CNTNAP2: variants seen among roughly 807,000 people sequenced by gnomAD.
The protein encoded by CNTNAP2 is contactin-associated protein-like 2.
In CNTNAP2, 98 loss-of-function variants were observed where a neutral mutation model predicts 155.2. That is an observed-to-expected ratio of 0.63 (90% CI 0.54 to 0.75). The LOEUF is 0.75. CNTNAP2 is among the 30% of genes least tolerant of loss of function. CNTNAP2 has a pLI of 0.00. For synonymous variants in CNTNAP2, 651 were observed against 631.2 expected, an observed-to-expected ratio of 1.03 and a Z score of -0.47; for missense variants, 1,727 against 1,688.1, an observed-to-expected ratio of 1.02 and a Z score of -0.40.
intron 11 of CNTNAP2, among the ~76,000 whole-genome samples, chr7:147,494,462 T>A (rs1798660610): frequency 1.6e-5 from 1 of 61,446 alleles, no homozygotes; most frequent in East Asian, 5.3e-4. Flanking sequence ...TCTCTTTGAG[T>A]CTTGGCAAAA....
chr7:146,244,531 G>A (rs1459978425), intron 1 of CNTNAP2, among the ~76,000 whole-genome samples: 2 of 152,164 alleles, frequency 1.3e-5, no homozygotes, highest in Non-Finnish European at 2.9e-5. Context: ...AAGGGTAAGT[G>A]GTAAAAGTAT....
intron 1 of CNTNAP2, among the ~76,000 whole-genome samples, chr7:146,416,422 C>A: frequency 6.6e-6 from 1 of 152,056 alleles, no homozygotes; most frequent in East Asian, 1.9e-4. Flanking sequence ...TGAGAGGTCA[C>A]CACATTGATG....
chr7:148,010,792 C>G (rs1486571067), intron 15 of CNTNAP2, among the ~76,000 whole-genome samples: 1 of 152,064 alleles, frequency 6.6e-6, no homozygotes, highest in African/African-American at 2.4e-5. Context: ...CTGTCAACAT[C>G]CATCAAGTTT....
intron 9 of CNTNAP2, among the ~76,000 whole-genome samples, chr7:147,360,800 C>T (rs826826): frequency 0.15 from 22,348 of 152,076 alleles, 1,855 homozygotes; most frequent in East Asian, 0.32. Context: ...CATTCCAACT[C>T]CCCATCCCTA....
rs908128087 is a variant in CNTNAP2, at chr7:147,273,855, AAT to A, written c.1349-26279_1349-26278del. The stretch of plus-strand genomic sequence containing the variant: ...AAAATGTAATATTTAAACATATATA[AAT>A]ATATATGTAATATATGTATATTATA... On this transcript the variant is annotated intron_variant, in intron 8 of 23. Coordinates refer to ENST00000361727, the MANE Select transcript of CNTNAP2 (RefSeq NM_014141.6). Among the ~76,000 whole-genome samples, 15 of 147,558 alleles carry A rather than the reference AAT, an allele frequency of 1.0e-4. No individual in the cohort carries two copies. In the East Asian group the frequency reaches 2.7e-3, roughly 27 times the overall value.
chr7:147,140,408 A>G (rs1303660557), intron 8 of CNTNAP2, among the ~76,000 whole-genome samples: 3 of 151,552 alleles, frequency 2.0e-5, no homozygotes, highest in African/African-American at 7.3e-5. Flanking sequence ...CCTCATTCCA[A>G]TCCTCTGCTA....
chr7:146,890,691 A>G (rs1360769401), intron 3 of CNTNAP2, among the ~76,000 whole-genome samples: 1 of 152,222 alleles, frequency 6.6e-6, no homozygotes, highest in African/African-American at 2.4e-5. Context: ...CTTGGTATTT[A>G]CATCAGTCAT....
chr7:147,862,812 A>G (rs1203653984), intron 13 of CNTNAP2, among the ~76,000 whole-genome samples: 1 of 152,138 alleles, frequency 6.6e-6, no homozygotes, highest in Non-Finnish European at 1.5e-5. Context: ...TGATATAGCT[A>G]CCTCTAGGAA....
intron 4 of CNTNAP2, among the ~76,000 whole-genome samples, chr7:147,070,986 G>GTATA (rs1324514219): frequency 6.6e-6 from 1 of 151,982 alleles, no homozygotes; most frequent in Non-Finnish European, 1.5e-5. Flanking sequence ...CAGGACCTGG[G>GTATA]TATATGGTTT....
At chr7:146,679,101 T>A (rs1800454676) in intron 1 of CNTNAP2, among the ~76,000 whole-genome samples, 1 of 152,146 alleles carries the variant, frequency 6.6e-6, no homozygotes, top group South Asian at 2.1e-4. Context: ...GATTATTTCA[T>A]CACCTAAATA....
At chr7:147,850,036 T>G (rs1419256165) in intron 13 of CNTNAP2, 3 of 152,240 alleles carry the variant, frequency 2.0e-5, no homozygotes, top group African/African-American at 7.2e-5. Context: ...TAATTATATG[T>G]ATTACTGGGG....
chr7:146,462,594 G>A (rs73462758), intron 1 of CNTNAP2, among the ~76,000 whole-genome samples: 3,676 of 152,158 alleles, frequency 0.024, 101 homozygotes, highest in African/African-American at 0.065. Flanking sequence ...CCATTAGTAC[G>A]TTTTGTTTTC....
chr7:146,979,904 T>G (rs868292608), intron 3 of CNTNAP2, among the ~76,000 whole-genome samples: 20 of 152,212 alleles, frequency 1.3e-4, no homozygotes, highest in African/African-American at 4.6e-4. Flanking sequence ...TTGTTAATAT[T>G]TAGTTTAACC....
chr7:146,284,747 T>C (rs1011786812), intron 1 of CNTNAP2, among the ~76,000 whole-genome samples: 8 of 152,206 alleles, frequency 5.3e-5, no homozygotes, highest in Non-Finnish European at 1.0e-4. Flanking sequence ...AAGCATGCAG[T>C]GAAGGGAACC....
intron 8 of CNTNAP2, among the ~76,000 whole-genome samples, chr7:147,266,171 G>T (rs1315805833): frequency 1.3e-5 from 2 of 152,170 alleles, no homozygotes; most frequent in East Asian, 3.9e-4. Context: ...GCTTCAGAAG[G>T]TGAGTAATAA....
intron 21 of CNTNAP2, among the ~76,000 whole-genome samples, chr7:148,340,471 G>T (rs1406724928): frequency 2.6e-5 from 4 of 152,160 alleles, no homozygotes; most frequent in African/African-American, 4.8e-5. Context: ...CATAGTGTTT[G>T]GTTATCCATG....
chr7:147,743,713 G>A (rs780670400), intron 13 of CNTNAP2, among the ~76,000 whole-genome samples: 12 of 148,346 alleles, frequency 8.1e-5, no homozygotes, highest in Non-Finnish European at 1.5e-4. Context: ...TTTTCCATCT[G>A]AGCAGCTAGA....
chr7:146,797,931 A>G (rs867306578), intron 2 of CNTNAP2, among the ~76,000 whole-genome samples: 2 of 152,254 alleles, frequency 1.3e-5, no homozygotes, highest in African/African-American at 4.8e-5. Flanking sequence ...TTTTATTTCT[A>G]TTGTCTTAAC....
intron 4 of CNTNAP2, chr7:147,082,903 ATGGCCACACCCTTT>A (rs1800166372): frequency 6.6e-6 from 1 of 152,022 alleles, no homozygotes; most frequent in Non-Finnish European, 1.5e-5. Flanking sequence ...TGGGGTCAAG[ATGGCCACACCCTTT>A]CAGTTCTCAC....
Sources: allele counts gnomAD v4.1 joint callset (sites outside exome capture counted in the v4.1 genomes callset), GRCh38; gene constraint gnomAD v4.1.1; transcripts MANE v1.5; gene names NCBI Gene and HGNC (gene_info 2026-07-23, HGNC 2026-07-21).